SETD2: variants seen among roughly 807,000 people sequenced by gnomAD.
The protein encoded by SETD2 is SET domain containing 2, histone lysine methyltransferase.
In SETD2, 31 loss-of-function variants were observed where a neutral mutation model predicts 242.1. The observed-to-expected ratio is 0.13, with a 90% CI of 0.10 to 0.17. The LOEUF (loss-of-function observed/expected upper bound fraction) is 0.17. SETD2 is among the 10% of genes least tolerant of loss of function. The pLI is 1.00. For synonymous variants in SETD2, 1,006 were observed against 1,066.5 expected (o/e 0.94, Z 1.11); for missense variants, 2,481 against 3,046.3 (o/e 0.81, Z 4.37).
intron 12 of SETD2, among the ~76,000 whole-genome samples, chr3:47,067,831 T>G (rs2040631185): frequency 6.6e-6 from 1 of 152,168 alleles, no homozygotes; most frequent in Admixed American, 6.5e-5. Flanking sequence ...TTCCTACTAT[T>G]CAGTGTATTT....
At chr3:47,086,023 G>A (rs1460275828) in intron 11 of SETD2, among the ~76,000 whole-genome samples, 172 bp downstream of exon 11, 2 of 152,186 alleles carry the variant, frequency 1.3e-5, no homozygotes, top group African/African-American at 2.4e-5. Context: ...CTAACAAGGT[G>A]TATGTACGGT....
At chr3:47,145,057 T>C (rs1448200460) in intron 1 of SETD2, among the ~76,000 whole-genome samples, 4 of 152,186 alleles carry the variant, frequency 2.6e-5, no homozygotes, top group East Asian at 3.8e-4. Context: ...AAAGTTAAAG[T>C]ACGCAGCTGG....
chr3:47,150,098 C>T (rs530753330), intron 1 of SETD2, among the ~76,000 whole-genome samples: 9 of 137,226 alleles, frequency 6.6e-5, no homozygotes, highest in South Asian at 2.3e-4. Flanking sequence ...GGCGCAATCT[C>T]GGCTCACTAC....
Position 47,123,755 on chromosome 3 carries a change from T to A in SETD2, c.881A>T (p.Asp294Val), listed in dbSNP as rs915409808. 2 of 1,548,906 alleles carry A rather than the reference T, an allele frequency of 1.3e-6. No homozygotes were observed. The highest frequency in any genetic ancestry group is 1.7e-6 in the Non-Finnish European group (2 of 1,146,150). Residue 294 changes from aspartate to valine, a missense_variant, in exon 3 of 21, where the codon GAT (aspartate) becomes GTT (valine). Physicochemically the swap from Asp to Val is radical, Grantham distance 152. Coordinates refer to ENST00000409792, the MANE Select transcript of SETD2 (RefSeq NM_014159.7). ...ACAGCTCAGACTAATCTTAGAACTA[T>A]CTGGAATTTCTTCATCCTTCCCAAT... ...SHIGKDEEIPDSSKISLSCKK... is the reference protein window; with the variant it reads ...SHIGKDEEIPVSSKISLSCKK...
chr3:47,130,438 A>T (rs1018269748), intron 1 of SETD2, among the ~76,000 whole-genome samples: 6 of 152,228 alleles, frequency 3.9e-5, no homozygotes, highest in Non-Finnish European at 7.3e-5. Context: ...TAGGAGACCT[A>T]GGTACGGCCA....
At chr3:47,032,974 C>T (rs969416091) in intron 18 of SETD2, among the ~76,000 whole-genome samples, 9 of 152,016 alleles carry the variant, frequency 5.9e-5, no homozygotes, top group Non-Finnish European at 1.3e-4. Context: ...TTGTCAATTC[C>T]TTTATTTACA....
chr3:47,040,451 T>C (rs552896903), intron 17 of SETD2, among the ~76,000 whole-genome samples: 1 of 151,272 alleles, frequency 6.6e-6, no homozygotes, highest in East Asian at 1.9e-4. Flanking sequence ...TCACAAAAGA[T>C]ACAAATGACC....
chr3:47,158,577 TTTCTC>T (rs1364119495), intron 1 of SETD2, among the ~76,000 whole-genome samples: 3 of 152,220 alleles, frequency 2.0e-5, no homozygotes, highest in African/African-American at 7.2e-5. Context: ...AACATTTTCT[TTTCTC>T]TAGCTTACTT....
chr3:47,093,817 T>C (rs1212037457), intron 9 of SETD2, among the ~76,000 whole-genome samples: 1 of 152,212 alleles, frequency 6.6e-6, no homozygotes. Flanking sequence ...GTTGTTCTTA[T>C]GTACCATGGA....
Position 47,017,599 on chromosome 3 carries a change from G to T in SETD2, c.7533+39C>A, listed in dbSNP as rs749886878. The T allele has an allele frequency of 7.1e-7, 1 of 1,410,996 alleles. No homozygotes were observed. The highest frequency in any genetic ancestry group is 1.0e-6 in the Non-Finnish European group (1 of 995,054). The allele number at this position is 1,410,996 out of a possible 1,614,324, so 87.4% of individuals were successfully genotyped here. A position where few individuals can be genotyped will look rare whatever the true frequency, so the allele number is the denominator to read the frequency against. On this transcript the variant is annotated intron_variant, in intron 20 of 20. Coordinates refer to ENST00000409792, the MANE Select transcript of SETD2 (RefSeq NM_014159.7). This position sits in a 1 kb window ranked among gnomAD's most constrained non-coding sequence, Gnocchi z 4.8. The stretch of plus-strand genomic sequence containing the variant: ...TCTTAGAAGGTACACAGTTTGCCCA[G>T]AACATTGCCTGGTGGGCTACCAAAA...
intron 9 of SETD2, among the ~76,000 whole-genome samples, chr3:47,097,297 C>T (rs1377670667): frequency 6.6e-6 from 1 of 152,132 alleles, no homozygotes; most frequent in African/African-American, 2.4e-5. Flanking sequence ...CCAAGGATCA[C>T]ATTTTTGAAA....
chr3:47,113,818 G>C (rs536447637), intron 5 of SETD2, 58 bp downstream of exon 5: 4 of 1,560,062 alleles, frequency 2.6e-6, no homozygotes, highest in Non-Finnish European at 3.5e-6. Flanking sequence ...CAGTCTGGGT[G>C]AAAGAGTGAG....
In SETD2 at chr3:47,123,639, T is replaced by C. The variant is rs2043199895; in HGVS notation, c.997A>G (p.Ser333Gly). ...SDEDSVRTSSSQRSHDLKFSA... is the reference protein window; with the variant it reads ...SDEDSVRTSSGQRSHDLKFSA... ...AATTTTAAATCATGTGATCTTTGAC[T>C]TGAAGAAGTCCGTACAGAATCTTCA... The change falls in exon 3 of 21, where the codon AGT (serine) becomes GGT (glycine). Residue 333 changes from serine to glycine, a missense_variant. By Grantham distance (56) the Ser-to-Gly change is moderately conservative. Coordinates refer to ENST00000409792, the MANE Select transcript of SETD2 (RefSeq NM_014159.7). 1 of 1,550,278 alleles carries C rather than the reference T, an allele frequency of 6.5e-7. No individual in the cohort carries two copies. Among genetic ancestry groups the C allele is most frequent in the Non-Finnish European group, 8.7e-7 (1 of 1,146,718 alleles).
chr3:47,056,797 A>T, intron 15 of SETD2, 24 bp downstream of exon 15: 1 of 1,596,126 alleles, frequency 6.3e-7, no homozygotes, highest in South Asian at 1.1e-5. Context: ...TAAAGCAGAA[A>T]AGAAAAGTTT....
At chr3:47,125,302 G>A (rs992201385) in intron 2 of SETD2, among the ~76,000 whole-genome samples, 1 of 150,420 alleles carries the variant, frequency 6.6e-6, no homozygotes, top group Non-Finnish European at 1.5e-5. Flanking sequence ...CTGGGCAACA[G>A]AGCGAGCCTC....
intron 17 of SETD2, among the ~76,000 whole-genome samples, chr3:47,040,476 G>A (rs1255327425): frequency 1.3e-5 from 2 of 149,888 alleles, no homozygotes; most frequent in Non-Finnish European, 1.5e-5. Flanking sequence ...ATCGAATGAA[G>A]ACATCCCATC....
At chr3:47,105,377 T>G (rs2042370209) in intron 6 of SETD2, among the ~76,000 whole-genome samples, 1 of 137,358 alleles carries the variant, frequency 7.3e-6, no homozygotes, top group South Asian at 2.5e-4. Context: ...ACCACTGCAC[T>G]CCAGCCCAGG....
intron 3 of SETD2, among the ~76,000 whole-genome samples, chr3:47,117,275 A>AC (rs781634085): frequency 0.54 from 75,638 of 139,098 alleles, 20,531 homozygotes; most frequent in Non-Finnish European, 0.57. Flanking sequence ...AAAAAAAAAA[A>AC]AAAAACAAAC....
chr3:47,026,260 ATC>A (rs2038473319), intron 18 of SETD2, among the ~76,000 whole-genome samples: 1 of 152,262 alleles, frequency 6.6e-6, no homozygotes, highest in African/African-American at 2.4e-5. Context: ...ATGAGATACC[ATC>A]TCACGCCAGT....
Sources: gnomAD v4.1 joint callset for allele counts (sites outside exome capture counted in the v4.1 genomes callset) on GRCh38, gnomAD v4.1.1 for gene constraint, Gnocchi (gnomAD v3.1) non-coding constraint, MANE v1.5 for transcripts, NCBI Gene and HGNC (gene_info 2026-07-23, HGNC 2026-07-21) for gene names.